The following KLHL14 variants were observed in gnomAD, a reference collection of about 807,000 sequenced individuals.
KLHL14 encodes the protein kelch-like protein 14.
Under a neutral mutation model 64.3 loss-of-function variants are expected in KLHL14, and 22 were observed. The ratio of observed to expected loss-of-function variants is 0.34; its 90% CI spans 0.24 to 0.49. The LOEUF is 0.49. Ranked by LOEUF, KLHL14 falls within the 20% of genes least tolerant of loss-of-function variation. KLHL14 has a pLI of 0.99. For synonymous variants in KLHL14, 322 were observed against 333.4 expected (o/e 0.97, Z 0.37); for missense variants, 661 against 789.0 (o/e 0.84, Z 1.94).
chr18:32,770,242 G>A lies in KLHL14; in HGVS notation c.350C>T (p.Thr117Ile). The A allele has an allele frequency of 6.2e-7, 1 of 1,600,810 alleles. No homozygotes were observed. Among genetic ancestry groups the A allele is most frequent in the South Asian group, 1.1e-5 (1 of 89,540 alleles). ...CAGGTTGTTGATGGCCCGGGGGCTGGTCAGCAGCTTGTCGTCGGGGGAGGA... is the reference window on the plus strand; with the variant it reads ...CAGGTTGTTGATGGCCCGGGGGCTGATCAGCAGCTTGTCGTCGGGGGAGGA... ...PSSSPDDKLL[T>I]SPRAINNLVL... Residue 117 changes from threonine (T) to isoleucine (I), a missense_variant, in exon 2 of 9, where the codon ACC becomes ATC. By Grantham distance (89) the Thr-to-Ile change is moderately conservative. Transcript: ENST00000359358. This position sits in a 1 kb window ranked among gnomAD's most constrained non-coding sequence, Gnocchi z 6.7.
Position 32,773,020 on chromosome 18 carries a change from G to A in KLHL14, c.-397C>T. ...CCTGGGGCTCAGTGAGTCGTAACGA[G>A]AGTAATAGGAAATCCACGGTTGGGG... On this transcript the variant is annotated 5_prime_UTR_variant, in exon 1 of 9. Coordinates refer to ENST00000359358, the MANE Select transcript of KLHL14 (RefSeq NM_020805.3). 1 of 259,256 alleles carries A rather than the reference G, an allele frequency of 3.9e-6. No homozygotes were observed. The highest frequency in any genetic ancestry group is 7.9e-6 in the Non-Finnish European group (1 of 127,274). The allele number at this position is 259,256 out of a possible 1,614,324, so 16.1% of individuals were successfully genotyped here. A position where few individuals can be genotyped will look rare whatever the true frequency, so the allele number is the denominator to read the frequency against.
rs2049797431 is a variant in KLHL14, at chr18:32,673,795, TATC to T, written c.*859_*861del. The T allele has an allele frequency of 6.6e-6, 1 of 152,170 alleles. No homozygotes were observed. Among genetic ancestry groups the T allele is most frequent in the African/African-American group, 2.4e-5 (1 of 41,432 alleles). The allele number at this position is 152,170 out of a possible 1,614,324, so 9.4% of individuals were successfully genotyped here. ...TTATGGATTAAATTTGGGTCAGACA[TATC>T]ATCTAACAGAATCTCTAAAATAGTA... On this transcript the variant is annotated 3_prime_UTR_variant, in exon 9 of 9. Transcript: ENST00000359358.
intron 2 of KLHL14, among the ~76,000 whole-genome samples, chr18:32,748,601 G>A (rs1266824399): frequency 2.0e-5 from 3 of 150,694 alleles, no homozygotes; most frequent in African/African-American, 7.3e-5. Flanking sequence ...TGATCCACCC[G>A]CCTCGGCCTC....
intron 3 of KLHL14, among the ~76,000 whole-genome samples, chr18:32,730,894 T>C (rs932106657): frequency 1.3e-5 from 2 of 152,190 alleles, no homozygotes; most frequent in African/African-American, 4.8e-5. Flanking sequence ...GTAGGATTAA[T>C]AATTAGAACA....
intron 5 of KLHL14, among the ~76,000 whole-genome samples, chr18:32,682,390 A>G (rs910183629): frequency 6.6e-6 from 1 of 152,244 alleles, no homozygotes; most frequent in African/African-American, 2.4e-5. Flanking sequence ...GGAGAAAAGT[A>G]GGAATAAAAT....
intron 2 of KLHL14, among the ~76,000 whole-genome samples, chr18:32,757,934 T>C (rs763432208): frequency 6.6e-6 from 1 of 152,206 alleles, no homozygotes; most frequent in Non-Finnish European, 1.5e-5. Context: ...ATTTTGCAAA[T>C]AGTATAACAT....
intron 3 of KLHL14, among the ~76,000 whole-genome samples, chr18:32,698,559 C>T (rs1263719690): frequency 6.6e-6 from 1 of 152,130 alleles, no homozygotes; most frequent in Non-Finnish European, 1.5e-5. Context: ...AACATGACCG[C>T]ATTTATCATG....
intron 2 of KLHL14, among the ~76,000 whole-genome samples, chr18:32,758,060 T>C (rs1173911604): frequency 6.6e-6 from 1 of 152,096 alleles, no homozygotes; most frequent in Non-Finnish European, 1.5e-5. Flanking sequence ...AAAAATAAAA[T>C]GGCCAAAGAA....
At chr18:32,758,342 C>T (rs2050294018) in intron 2 of KLHL14, among the ~76,000 whole-genome samples, 1 of 152,130 alleles carries the variant, frequency 6.6e-6, no homozygotes, top group African/African-American at 2.4e-5. Flanking sequence ...AGATGCTCAA[C>T]ATGATTAGCC....
At chr18:32,759,721 CTCTCG>C (rs1462743887) in intron 2 of KLHL14, among the ~76,000 whole-genome samples, 1 of 152,010 alleles carries the variant, frequency 6.6e-6, no homozygotes. Flanking sequence ...CTCTCTCTCT[CTCTCG>C]TCATTTTGGA....
intron 3 of KLHL14, among the ~76,000 whole-genome samples, chr18:32,701,194 C>T (rs933648105): frequency 2.6e-5 from 4 of 152,182 alleles, no homozygotes; most frequent in African/African-American, 9.7e-5. Context: ...ACTAAACACT[C>T]ACTAGATGCA....
chr18:32,721,604 C>T (rs926175764), intron 3 of KLHL14, among the ~76,000 whole-genome samples: 11 of 152,040 alleles, frequency 7.2e-5, no homozygotes, highest in Non-Finnish European at 1.5e-4. Flanking sequence ...ATCTTCTCTC[C>T]CAACCTTGAT....
At chr18:32,675,342 C>A (rs72948118) in intron 8 of KLHL14, among the ~76,000 whole-genome samples, 10,215 of 152,014 alleles carry the variant, frequency 0.067, 538 homozygotes, top group Non-Finnish European at 0.098. Flanking sequence ...AAGATCTTGG[C>A]TTAAAGAAAG....
chr18:32,697,151 G>A (rs909084151), intron 3 of KLHL14, among the ~76,000 whole-genome samples: 1 of 152,154 alleles, frequency 6.6e-6, no homozygotes, highest in African/African-American at 2.4e-5. Flanking sequence ...TGTGAAAAAC[G>A]CTTTTACCTG....
intron 3 of KLHL14, among the ~76,000 whole-genome samples, chr18:32,708,704 G>T (rs1441222719): frequency 6.6e-6 from 1 of 152,186 alleles, no homozygotes; most frequent in African/African-American, 2.4e-5. Context: ...ATCCAGCCAG[G>T]TCCTTGCGAG....
chr18:32,768,298 C>A (rs1428769180), intron 2 of KLHL14, among the ~76,000 whole-genome samples: 1 of 151,844 alleles, frequency 6.6e-6, no homozygotes, highest in African/African-American at 2.4e-5. Flanking sequence ...CTCCTGTTGG[C>A]CTCTCCTTAA....
intron 2 of KLHL14, 72 bp downstream of exon 2, chr18:32,769,573 G>GGC: frequency 6.5e-5 from 23 of 356,294 alleles, no homozygotes; most frequent in Non-Finnish European, 7.0e-5. Context: ...CCTCCTCCCT[G>GGC]CCCCCTCCCC....
At chr18:32,695,259 G>A (rs1036189671) in intron 4 of KLHL14, among the ~76,000 whole-genome samples, 16 of 152,130 alleles carry the variant, frequency 1.1e-4, no homozygotes, top group African/African-American at 3.9e-4. Flanking sequence ...GACAGTTGAT[G>A]AGTGATCGCT....
intron 3 of KLHL14, chr18:32,741,003 A>G (rs764651758): frequency 6.6e-6 from 1 of 152,224 alleles, no homozygotes; most frequent in Admixed American, 6.5e-5. Context: ...AAAAATAAAC[A>G]TGGTAAAATA....
Sources: allele counts gnomAD v4.1 joint callset (sites outside exome capture counted in the v4.1 genomes callset), GRCh38; gene constraint gnomAD v4.1.1; non-coding constraint Gnocchi (gnomAD v3.1); transcripts MANE v1.5; gene names NCBI Gene and HGNC (gene_info 2026-07-23, HGNC 2026-07-21).